Variants in TTC7B observed in about 807,000 individuals in gnomAD.
The protein encoded by TTC7B is tetratricopeptide repeat protein 7B.
A neutral mutation model predicts 106.8 loss-of-function variants in TTC7B; 28 were observed. The ratio of observed to expected loss-of-function variants is 0.26; its 90% CI spans 0.19 to 0.36. TTC7B has a LOEUF of 0.36. Among genes scored for constraint, TTC7B ranks in the 10% least tolerant of loss-of-function variants. TTC7B has a pLI of 1.00. For missense variants in TTC7B, 862 were observed against 1,076.4 expected, an observed-to-expected ratio of 0.80 and a Z score of 2.79; for synonymous variants, 405 against 430.6, an observed-to-expected ratio of 0.94 and a Z score of 0.74.
intron 7 of TTC7B, among the ~76,000 whole-genome samples, chr14:90,686,439 A>G (rs1595281243): frequency 6.6e-6 from 1 of 152,210 alleles, no homozygotes; most frequent in Non-Finnish European, 1.5e-5. Context: ...CATGCTTGCC[A>G]CTTCTATTTA....
intron 7 of TTC7B, among the ~76,000 whole-genome samples, chr14:90,680,769 TTAAAAGCCCAAA>T (rs1714095952): frequency 6.6e-6 from 1 of 152,178 alleles, no homozygotes; most frequent in Non-Finnish European, 1.5e-5. Flanking sequence ...AAAAACCAAG[TTAAAAGCCCAAA>T]TAACATATGT....
intron 9 of TTC7B, among the ~76,000 whole-genome samples, chr14:90,672,465 G>A (rs1253456186): frequency 2.0e-5 from 3 of 152,134 alleles, no homozygotes; most frequent in Admixed American, 2.0e-4. Context: ...ATGAGAGCAA[G>A]CCCTGGGTTC....
In TTC7B at chr14:90,532,411, A is replaced by G. The variant is rs1889308941; in HGVS notation, c.*8957T>C. The stretch of plus-strand genomic sequence containing the variant: ...GGATGGGCCAATGTGAGGATGGGCC[A>G]GCCCTTTTGCAAACTGGCTGGGCCT... On this transcript the variant is annotated 3_prime_UTR_variant, in exon 20 of 20. Coordinates refer to ENST00000328459, the MANE Select transcript of TTC7B (RefSeq NM_001010854.2). 6.6e-6 allele frequency: 1 copy of G among 152,204 alleles called. No individual in the cohort carries two copies. Among genetic ancestry groups the G allele is most frequent in the Non-Finnish European group, 1.5e-5 (1 of 68,042 alleles). 9.4% of individuals were successfully genotyped at this position (152,204 alleles called of 1,614,324 possible). A position where few individuals can be genotyped will look rare whatever the true frequency, so the allele number is the denominator to read the frequency against.
chr14:90,763,335 TA>T (rs1422038662), intron 3 of TTC7B, among the ~76,000 whole-genome samples: 1 of 152,090 alleles, frequency 6.6e-6, no homozygotes, highest in Non-Finnish European at 1.5e-5. Flanking sequence ...CCTATAATGA[TA>T]AAAACACTCA....
intron 5 of TTC7B, among the ~76,000 whole-genome samples, chr14:90,716,920 A>G (rs1490654182): frequency 6.6e-6 from 1 of 152,220 alleles, no homozygotes; most frequent in African/African-American, 2.4e-5. Flanking sequence ...AGGAAGAGCT[A>G]GCAGAAAAAA....
In TTC7B at chr14:90,570,304, T is replaced by C. The variant is rs1890981689; in HGVS notation, c.2310+7802A>G. Among the ~76,000 whole-genome samples the C allele has an allele frequency of 6.6e-6, 1 of 152,232 alleles. No individual in the cohort carries two copies. ...ATCATCCAATCCTGCCTCGAAGTCATTTCCCGCACTCATTTGGTCAGCAAA... is the reference window on the plus strand; with the variant it reads ...ATCATCCAATCCTGCCTCGAAGTCACTTCCCGCACTCATTTGGTCAGCAAA... On this transcript the variant is annotated intron_variant, in intron 19 of 19. Coordinates refer to ENST00000328459, the MANE Select transcript of TTC7B (RefSeq NM_001010854.2). The surrounding 1 kb of genome is among the most constrained non-coding windows in gnomAD (Gnocchi z 4.0).
At chr14:90,728,830 C>T (rs555467324) in intron 5 of TTC7B, among the ~76,000 whole-genome samples, 2 of 152,328 alleles carry the variant, frequency 1.3e-5, no homozygotes, top group Admixed American at 6.5e-5. Flanking sequence ...GGGCAAGGGC[C>T]GGGAGCTCCT....
intron 17 of TTC7B, among the ~76,000 whole-genome samples, chr14:90,605,132 G>A (rs1279733421): frequency 2.0e-5 from 3 of 152,200 alleles, no homozygotes; most frequent in Non-Finnish European, 2.9e-5. Flanking sequence ...TGGTTTTAAC[G>A]CATGGTAAAG....
chr14:90,541,688 G>C, intron 19 of TTC7B, 99 bp from the exon 20 acceptor site: 2 of 969,530 alleles, frequency 2.1e-6, no homozygotes, highest in Non-Finnish European at 2.9e-6. Context: ...CCTCGGAGCC[G>C]GGAATATATC....
intron 17 of TTC7B, among the ~76,000 whole-genome samples, chr14:90,598,160 C>T (rs1257179415): frequency 1.3e-5 from 2 of 152,192 alleles, no homozygotes; most frequent in Non-Finnish European, 2.9e-5. Flanking sequence ...AGTCACAGGA[C>T]ACAGGGGCTC....
intron 16 of TTC7B, among the ~76,000 whole-genome samples, chr14:90,611,366 A>T (rs1427229520): frequency 6.6e-6 from 1 of 152,006 alleles, no homozygotes; most frequent in Non-Finnish European, 1.5e-5. Flanking sequence ...GCTGATCGAC[A>T]TTTTTCACAG....
chr14:90,812,723 G>C (rs1210993265), intron 1 of TTC7B, among the ~76,000 whole-genome samples: 1 of 152,078 alleles, frequency 6.6e-6, no homozygotes, highest in African/African-American at 2.4e-5. Context: ...TTTTGAGATG[G>C]TGCAATGAAA....
rs542476791 is a variant in TTC7B, at chr14:90,783,564, C to A, written c.276+2610G>T. 3.9e-5 allele frequency among the ~76,000 whole-genome samples: 6 copies of A among 152,276 alleles called. No homozygotes were observed. In the South Asian group the frequency reaches 1.2e-3, roughly 32 times the overall value. ...GCCTGCAGCTGAGAAACATGAAGCT[C>A]AGAGAGGTTAAGTAACGTCCCAAGA... On this transcript the variant is annotated intron_variant, in intron 2 of 19. Coordinates refer to ENST00000328459, the MANE Select transcript of TTC7B (RefSeq NM_001010854.2).
Position 90,654,928 on chromosome 14 carries a change from C to T in TTC7B, c.1459+65G>A, listed in dbSNP as rs375500158. 1,639 of 1,286,524 alleles carry T rather than the reference C, an allele frequency of 1.3e-3. 36 individuals are homozygous for T. In the South Asian group the frequency reaches 0.018, roughly 14 times the overall value. The allele number at this position is 1,286,524 out of a possible 1,614,324, so 79.7% of individuals were successfully genotyped here. A position where few individuals can be genotyped will look rare whatever the true frequency, so the allele number is the denominator to read the frequency against. ...AGACAGAAGGGGACTGTGGGAATCCCGCAGGGTAGACTTAGGTAGTCCAGC... is the reference window on the plus strand; with the variant it reads ...AGACAGAAGGGGACTGTGGGAATCCTGCAGGGTAGACTTAGGTAGTCCAGC... On this transcript the variant is annotated intron_variant, in intron 12 of 19. Coordinates refer to ENST00000328459, the MANE Select transcript of TTC7B (RefSeq NM_001010854.2).
rs150704886 is a variant in TTC7B at position 90,632,620 on chromosome 14, T to C, written c.1751+11428A>G. On this transcript the variant is annotated intron_variant, in intron 15 of 19. Coordinates refer to ENST00000328459, the MANE Select transcript of TTC7B (RefSeq NM_001010854.2). ...TTGTTCACAGCAGTAATCCCCAACA[T>C]CTAGCATGGCCCCTGGCATGTGGTA... Among the ~76,000 whole-genome samples, 220 of 152,282 alleles carry C rather than the reference T, an allele frequency of 1.4e-3. 1 individual carries two copies. Among genetic ancestry groups the C allele is most frequent in the African/African-American group, 5.1e-3 (210 of 41,564 alleles).
At position 90,540,553 on chromosome 14, in the gene TTC7B, G is replaced by A. The variant is rs1387647715; in HGVS notation, c.*815C>T. 6.5e-6 allele frequency: 1 copy of A among 153,750 alleles called. No homozygotes were observed. The highest frequency in any genetic ancestry group is 1.5e-5 in the Non-Finnish European group (1 of 68,062). The allele number at this position is 153,750 out of a possible 1,614,324, so 9.5% of individuals were successfully genotyped here. ...ACCCCAGGAACTAAGCCTTTCTCAG[G>A]TCTTTGAGCTTTTACGAATGACACA... On this transcript the variant is annotated 3_prime_UTR_variant, in exon 20 of 20. Coordinates refer to ENST00000328459, the MANE Select transcript of TTC7B (RefSeq NM_001010854.2).
chr14:90,593,858 C>T, intron 17 of TTC7B: 1 of 396,696 alleles, frequency 2.5e-6, no homozygotes, highest in Non-Finnish European at 4.5e-6. Context: ...CCTCCAGGAG[C>T]TCAGCCTAGC....
At chr14:90,610,701 T>C (rs1018617852) in intron 17 of TTC7B, 41 bp downstream of exon 17, 4 of 1,439,922 alleles carry the variant, frequency 2.8e-6, no homozygotes, top group African/African-American at 2.8e-5. Context: ...CCCCACATTC[T>C]CCATTACACC....
At chr14:90,648,238 A>C (rs1244670106) in intron 13 of TTC7B, 2 of 152,246 alleles carry the variant, frequency 1.3e-5, no homozygotes. Flanking sequence ...CTTCCATTCC[A>C]GGGGACTCTT....
Sources: gnomAD v4.1 joint callset for allele counts (sites outside exome capture counted in the v4.1 genomes callset) on GRCh38, gnomAD v4.1.1 for gene constraint, Gnocchi (gnomAD v3.1) non-coding constraint, MANE v1.5 for transcripts, NCBI Gene and HGNC (gene_info 2026-07-23, HGNC 2026-07-21) for gene names.